ARHGAP15: variants seen among roughly 807,000 people sequenced by gnomAD.
ARHGAP15 encodes Rho GTPase activating protein 15.
ARHGAP15 carries 51 observed loss-of-function variants against 63.7 expected under a neutral mutation model. That is an observed-to-expected ratio of 0.80 (90% CI 0.64 to 1.01). The LOEUF (loss-of-function observed/expected upper bound fraction) is 1.01, where lower values mean the gene tolerates loss of function less well. ARHGAP15 is among the 50% of genes least tolerant of loss of function. The pLI is 0.00. For synonymous variants in ARHGAP15, 191 were observed against 193.8 expected (o/e 0.99, Z 0.12); for missense variants, 560 against 564.6 (o/e 0.99, Z 0.08).
chr2:143,573,459 TAATAAAG>T (rs746011585), intron 11 of ARHGAP15, among the ~76,000 whole-genome samples: 8 of 137,356 alleles, frequency 5.8e-5, no homozygotes, highest in Non-Finnish European at 5.0e-5. Flanking sequence ...AATAATTTAA[TAATAAAG>T]AAAATGCCGA....
rs777748276 is a variant in ARHGAP15, at chr2:143,228,579, A to G, written c.297-2A>G. On this transcript the variant is annotated splice_acceptor_variant, in intron 4 of 13. Transcript: ENST00000295095. LOFTEE classifies it high-confidence loss of function. ...CTTTCCCTTTTATTTTTTTGTCCTA[A>G]GGAAAAACTGGTCTACTTCCTGGAT... The G allele has an allele frequency of 6.3e-7, 1 of 1,596,644 alleles. No homozygotes were observed. Among genetic ancestry groups the G allele is most frequent in the Non-Finnish European group, 8.5e-7 (1 of 1,171,368 alleles).
At chr2:143,506,521 AAAG>A (rs1437425751) in intron 9 of ARHGAP15, among the ~76,000 whole-genome samples, 2 of 152,176 alleles carry the variant, frequency 1.3e-5, no homozygotes, top group African/African-American at 4.8e-5. Flanking sequence ...CAAAGTATGT[AAAG>A]AACATACAAA....
rs375839824 is a variant in ARHGAP15, at chr2:143,643,786, G to A, written c.1138+19519G>A. Among the ~76,000 whole-genome samples, 42 of 152,118 alleles carry A rather than the reference G, an allele frequency of 2.8e-4. No homozygotes were observed. The East Asian group carries it at 3.3e-3, about 12-fold the overall frequency. On this transcript the variant is annotated intron_variant, in intron 12 of 13. Transcript: ENST00000295095. ...AGTTGCAATGATTTAATGACATCTC[G>A]GTTAAACGGTCTTGGAAGAAATAGA...
At chr2:143,574,634 G>C (rs539224502) in intron 11 of ARHGAP15, among the ~76,000 whole-genome samples, 1 of 152,244 alleles carries the variant, frequency 6.6e-6, no homozygotes, top group Admixed American at 6.5e-5. Context: ...GACGAGCAGG[G>C]AGTGTCCCCA....
intron 12 of ARHGAP15, among the ~76,000 whole-genome samples, chr2:143,686,267 G>GTGGTGGCACAC (rs1559125851): frequency 3.6e-5 from 1 of 28,030 alleles, no homozygotes; most frequent in Non-Finnish European, 1.4e-4. Context: ...TTAGCTGGGT[G>GTGGTGGCACAC]GAGGCTATTC....
intron 1 of ARHGAP15, among the ~76,000 whole-genome samples, chr2:143,154,959 CT>C (rs1690020621): frequency 6.6e-6 from 1 of 151,836 alleles, no homozygotes. Flanking sequence ...TAATTTCCCC[CT>C]GTGAGTATTG....
rs150728618 is a variant in ARHGAP15 at position 143,466,587 on chromosome 2, T to A, written c.704-20786T>A. Among the ~76,000 whole-genome samples the A allele has an allele frequency of 8.2e-4, 125 of 152,168 alleles. 2 individuals are homozygous for A. In the East Asian group the frequency reaches 0.022, roughly 27 times the overall value. ...TCCAATACTCATAAATCAAGCATAT[T>A]CAGGCAAAAAGCAGGTAATTGAGAG... On this transcript the variant is annotated intron_variant, in intron 8 of 13. Transcript: ENST00000295095.
intron 11 of ARHGAP15, among the ~76,000 whole-genome samples, chr2:143,564,434 A>AATATTAT (rs1696143993): frequency 1.3e-5 from 2 of 152,174 alleles, no homozygotes; most frequent in African/African-American, 2.4e-5. Flanking sequence ...ATATTTTTGA[A>AATATTAT]GCTCATTCAT....
chr2:143,349,798 A>G (rs1030715171), intron 6 of ARHGAP15, among the ~76,000 whole-genome samples: 2 of 152,182 alleles, frequency 1.3e-5, no homozygotes, highest in African/African-American at 4.8e-5. Flanking sequence ...ATTTCTATGT[A>G]TGGTTGAGCA....
chr2:143,253,648 C>A (rs1035599885), intron 6 of ARHGAP15, among the ~76,000 whole-genome samples: 2 of 150,884 alleles, frequency 1.3e-5, no homozygotes, highest in African/African-American at 4.9e-5. Flanking sequence ...TACTTCTTAA[C>A]AATAAATAAT....
At chr2:143,435,371 C>T (rs915181158) in intron 6 of ARHGAP15, 1 of 1,130,126 alleles carries the variant, frequency 8.8e-7, no homozygotes, top group Non-Finnish European at 1.1e-6. Flanking sequence ...CCTACTCTGA[C>T]TTAATCGTTC....
At chr2:143,663,810 G>A (rs376615831) in intron 12 of ARHGAP15, among the ~76,000 whole-genome samples, 13 of 151,840 alleles carry the variant, frequency 8.6e-5, no homozygotes, top group South Asian at 2.1e-4. Flanking sequence ...AGATCAAAAG[G>A]GACAAAGAAG....
chr2:143,396,615 G>GTT (rs34811392), intron 6 of ARHGAP15, among the ~76,000 whole-genome samples: 2 of 147,294 alleles, frequency 1.4e-5, no homozygotes, highest in Non-Finnish European at 3.0e-5. Flanking sequence ...AGGGATTTAA[G>GTT]TTTTTTTTTT....
rs1559014793 is a variant in ARHGAP15 at position 143,504,408 on chromosome 2, C to T, written c.827-14858C>T. On this transcript the variant is annotated intron_variant, in intron 9 of 13. Coordinates refer to ENST00000295095, the MANE Select transcript of ARHGAP15 (RefSeq NM_018460.4). Reference sequence around the variant, plus strand: ...CTGCTTGGAAGGAAATATTCTGCCTCAAGAAAATCACCTCCATACCCCCAA... The same window carrying T: ...CTGCTTGGAAGGAAATATTCTGCCTTAAGAAAATCACCTCCATACCCCCAA... 9.2e-5 allele frequency among the ~76,000 whole-genome samples: 14 copies of T among 152,290 alleles called. 1 individual carries two copies. In the South Asian group the frequency reaches 2.9e-3, roughly 32 times the overall value.
chr2:143,149,116 T>G (rs999234677), intron 1 of ARHGAP15, among the ~76,000 whole-genome samples: 2 of 151,996 alleles, frequency 1.3e-5, no homozygotes, highest in Admixed American at 6.6e-5. Flanking sequence ...GGAGAAATAC[T>G]ATTTATCTGT....
chr2:143,750,781 G>C (rs1351770405), intron 13 of ARHGAP15, among the ~76,000 whole-genome samples: 1 of 152,214 alleles, frequency 6.6e-6, no homozygotes, highest in African/African-American at 2.4e-5. Flanking sequence ...GGTTTTGAAT[G>C]TTCCACAGAT....
At chr2:143,651,784 G>A (rs1038842946) in intron 12 of ARHGAP15, among the ~76,000 whole-genome samples, 4 of 151,818 alleles carry the variant, frequency 2.6e-5, no homozygotes, top group African/African-American at 9.7e-5. Flanking sequence ...ATTACATTGT[G>A]GTTTGTATTT....
chr2:143,343,103 A>C (rs1235544391), intron 6 of ARHGAP15, among the ~76,000 whole-genome samples: 1 of 152,124 alleles, frequency 6.6e-6, no homozygotes, highest in Admixed American at 6.6e-5. Flanking sequence ...TGATGAAGAC[A>C]GTATAATTAG....
chr2:143,630,528 T>TAGA (rs1699022244), intron 12 of ARHGAP15, among the ~76,000 whole-genome samples: 2 of 152,102 alleles, frequency 1.3e-5, no homozygotes, highest in Admixed American at 1.3e-4. Context: ...AATTTTTATC[T>TAGA]CTTCTGGTTA....
Sources: gnomAD v4.1 joint callset for allele counts (sites outside exome capture counted in the v4.1 genomes callset) on GRCh38, gnomAD v4.1.1 for gene constraint, MANE v1.5 for transcripts, NCBI Gene and HGNC (gene_info 2026-07-23, HGNC 2026-07-21) for gene names.